The following ACTN4 variants were observed in gnomAD, a reference collection of about 807,000 sequenced individuals.
The protein encoded by ACTN4 is actinin alpha 4.
A neutral mutation model predicts 114.2 loss-of-function variants in ACTN4; 18 were observed. The ratio of observed to expected loss-of-function variants is 0.16; its 90% CI spans 0.11 to 0.23. The LOEUF (loss-of-function observed/expected upper bound fraction) is 0.23, where lower values mean the gene tolerates loss of function less well. ACTN4 is among the 10% of genes least tolerant of loss of function. The pLI is 1.00. For missense variants in ACTN4, 722 were observed against 1,262.9 expected (o/e 0.57, Z 6.49); for synonymous variants, 515 against 506.3 (o/e 1.02, Z -0.23).
chr19:38,697,910 C>G (rs1968145782), intron 1 of ACTN4, among the ~76,000 whole-genome samples: 1 of 152,228 alleles, frequency 6.6e-6, no homozygotes, highest in South Asian at 2.1e-4. Flanking sequence ...CTCCTGGGCT[C>G]CACGCCTGCT....
At chr19:38,708,801 C>T (rs145771359) in intron 6 of ACTN4, among the ~76,000 whole-genome samples, 2 of 152,290 alleles carry the variant, frequency 1.3e-5, no homozygotes, top group African/African-American at 2.4e-5. Context: ...CAGGAAAGGT[C>T]CCGGAAGAAG....
chr19:38,707,367 G>A (rs975601732), intron 5 of ACTN4, among the ~76,000 whole-genome samples: 2 of 152,002 alleles, frequency 1.3e-5, no homozygotes, highest in Non-Finnish European at 2.9e-5. Context: ...TTAGCACAGC[G>A]GCCAGTAATC....
chr19:38,688,401 A>AAAAG (rs1298949239), intron 1 of ACTN4, among the ~76,000 whole-genome samples: 1 of 150,794 alleles, frequency 6.6e-6, no homozygotes, highest in African/African-American at 2.4e-5. Context: ...AAAAAAAAAA[A>AAAAG]AAAAAAAAAA....
At chr19:38,699,074 A>G (rs796665214) in intron 1 of ACTN4, among the ~76,000 whole-genome samples, 8 of 152,310 alleles carry the variant, frequency 5.3e-5, no homozygotes, top group African/African-American at 1.9e-4. Flanking sequence ...AGGGGTTCCT[A>G]TAAGAAGCAG....
chr19:38,730,816 C>T lies in ACTN4; in HGVS notation c.*1384C>T, dbSNP rs563718915. On this transcript the variant is annotated 3_prime_UTR_variant, in exon 21 of 21. Coordinates refer to ENST00000252699, the MANE Select transcript of ACTN4 (RefSeq NM_004924.6). ...TAGGGAGGTGGTCTTGCTCAGCAAC[C>T]CTGCCCTGAGCAGCAGGTGCGCCCA... The T allele has an allele frequency of 3.9e-6, 6 of 1,550,202 alleles. No individual in the cohort carries two copies. The East Asian group carries it at 1.5e-4, about 38-fold the overall frequency.
At position 38,717,451 on chromosome 19, in the gene ACTN4, C is replaced by A; in HGVS notation, c.1143+135C>A. On this transcript the variant is annotated intron_variant, in intron 10 of 20. Coordinates refer to ENST00000252699, the MANE Select transcript of ACTN4 (RefSeq NM_004924.6). The surrounding 1 kb of genome is among the most constrained non-coding windows in gnomAD (Gnocchi z 4.0). ...GGGACATGGCATGGCCTTTCGGATG[C>A]AGTGGTCGGGGAGGGGTGCACTTCA... The A allele has an allele frequency of 8.1e-7, 1 of 1,237,542 alleles. No homozygotes were observed. The highest frequency in any genetic ancestry group is 1.1e-6 in the Non-Finnish European group (1 of 882,654). The allele number at this position is 1,237,542 out of a possible 1,614,324, so 76.7% of individuals were successfully genotyped here. A position where few individuals can be genotyped will look rare whatever the true frequency, so the allele number is the denominator to read the frequency against.
intron 1 of ACTN4, among the ~76,000 whole-genome samples, chr19:38,654,368 C>A (rs1976651677): frequency 1.3e-5 from 2 of 151,976 alleles, no homozygotes; most frequent in African/African-American, 4.8e-5. Flanking sequence ...TCAAGACCAG[C>A]CTGGCGAACA....
intron 1 of ACTN4, among the ~76,000 whole-genome samples, chr19:38,669,142 G>A (rs562573369): frequency 7.6e-4 from 116 of 152,152 alleles, no homozygotes; most frequent in Admixed American, 1.4e-3. Flanking sequence ...GCCTGCCACC[G>A]TGCCCAGCTA....
chr19:38,673,657 ATATATATTATATATATT>A (rs569726713), intron 1 of ACTN4, among the ~76,000 whole-genome samples: 20,004 of 46,076 alleles, frequency 0.43, 4,632 homozygotes, highest in Middle Eastern at 0.58. Context: ...TTATATATTT[ATATATATTATATATATT>A]TATATATTTA....
chr19:38,698,650 A>G (rs535438216), intron 1 of ACTN4, among the ~76,000 whole-genome samples: 1 of 152,310 alleles, frequency 6.6e-6, no homozygotes, highest in South Asian at 2.1e-4. Context: ...GGTTGGCTAC[A>G]TGGCGGGGCG....
intron 1 of ACTN4, among the ~76,000 whole-genome samples, chr19:38,697,630 A>T (rs1464103690): frequency 6.6e-6 from 1 of 152,320 alleles, no homozygotes; most frequent in Non-Finnish European, 1.5e-5. Flanking sequence ...CAGCCCACAC[A>T]GGCCAAGGCT....
intron 19 of ACTN4, among the ~76,000 whole-genome samples, chr19:38,728,657 TTC>T (rs1038375461): frequency 2.0e-5 from 3 of 152,256 alleles, no homozygotes; most frequent in South Asian, 4.1e-4. Flanking sequence ...TTCTTTCTCT[TTC>T]TCTCTTTCTT....
chr19:38,729,015 G>A lies in ACTN4; in HGVS notation c.2438G>A (p.Arg813His). 4 of 1,613,326 alleles carry A rather than the reference G, an allele frequency of 2.5e-6. No homozygotes were observed. Among genetic ancestry groups the A allele is most frequent in the Non-Finnish European group, 3.4e-6 (4 of 1,180,004 alleles). ...TTGCAGGGTGAGGCCGAGTTCAACC[G>A]CATCATGAGCCTGGTCGACCCCAAC... ...NDRQGEAEFN[R>H]IMSLVDPNHS... Residue 813 changes from arginine to histidine, a missense_variant, in exon 20 of 21, where the codon CGC becomes CAC. Physicochemically the swap from Arg to His is conservative, Grantham distance 29 (BLOSUM62 0). This residue lies in a region of ACTN4 where 523 missense variants were observed against 875.9 expected (regional missense o/e 0.60). Coordinates refer to ENST00000252699, the MANE Select transcript of ACTN4 (RefSeq NM_004924.6).
chr19:38,655,749 A>T (rs761638820), intron 1 of ACTN4, among the ~76,000 whole-genome samples: 1 of 152,230 alleles, frequency 6.6e-6, no homozygotes, highest in Non-Finnish European at 1.5e-5. Context: ...GATTGGTTCC[A>T]GGAACCCCCT....
chr19:38,718,257 T>A, intron 11 of ACTN4, 183 bp downstream of exon 11: 1 of 1,066,468 alleles, frequency 9.4e-7, no homozygotes, highest in Non-Finnish European at 1.4e-6. Flanking sequence ...CCAGGTTCAG[T>A]GGCTCACACC....
At chr19:38,663,813 C>T (rs954003207) in intron 1 of ACTN4, among the ~76,000 whole-genome samples, 3 of 152,346 alleles carry the variant, frequency 2.0e-5, no homozygotes, top group South Asian at 2.1e-4. Flanking sequence ...TCCATTCATG[C>T]GTCCTGTCAC....
At chr19:38,705,056 G>T (rs1216245396) in intron 4 of ACTN4, 36 bp downstream of exon 4, 1 of 1,581,614 alleles carries the variant, frequency 6.3e-7, no homozygotes, top group East Asian at 2.2e-5. Flanking sequence ...CTTCCCACCT[G>T]AGTCAGGGCG....
chr19:38,731,319 C>T lies in ACTN4; in HGVS notation c.*1887C>T, dbSNP rs1233226646. ...CTCCTCAGGGAGGACATGAATGCCA[C>T]AGGGTGTCACACCCCAACTCTGCCC... On this transcript the variant is annotated 3_prime_UTR_variant, in exon 21 of 21. Coordinates refer to ENST00000252699, the MANE Select transcript of ACTN4 (RefSeq NM_004924.6). 5 of 895,510 alleles carry T rather than the reference C, an allele frequency of 5.6e-6. No individual in the cohort carries two copies. The highest frequency in any genetic ancestry group is 9.1e-6 in the Non-Finnish European group (5 of 546,524). 55.5% of individuals were successfully genotyped at this position (895,510 alleles called of 1,614,324 possible). A position where few individuals can be genotyped will look rare whatever the true frequency, so the allele number is the denominator to read the frequency against.
In ACTN4 at chr19:38,655,963, G is replaced by A. The variant is rs937158627; in HGVS notation, c.162+8056G>A. Reference sequence around the variant, plus strand: ...AAATATGTACATGTTCAGTGCAGATGCAACCATTCATTTTTTTTCTTCCAG... The same window carrying A: ...AAATATGTACATGTTCAGTGCAGATACAACCATTCATTTTTTTTCTTCCAG... On this transcript the variant is annotated intron_variant, in intron 1 of 20. Transcript: ENST00000252699. Among the ~76,000 whole-genome samples the A allele has an allele frequency of 2.6e-5, 4 of 152,158 alleles. 1 individual carries two copies. In the South Asian group the frequency reaches 8.3e-4, roughly 31 times the overall value.
Sources: allele counts gnomAD v4.1 joint callset (sites outside exome capture counted in the v4.1 genomes callset), GRCh38; gene constraint gnomAD v4.1.1; regional missense constraint gnomAD v4.1.1; non-coding constraint Gnocchi (gnomAD v3.1); transcripts MANE v1.5; gene names NCBI Gene and HGNC (gene_info 2026-07-23, HGNC 2026-07-21).